Variants in CDH22 observed in about 807,000 individuals in gnomAD.
CDH22 encodes the protein cadherin 22, also known as cadherin-22.
CDH22 carries 30 observed loss-of-function variants against 58.4 expected under a neutral mutation model. The observed-to-expected ratio is 0.51, with a 90% CI of 0.38 to 0.70. The LOEUF (loss-of-function observed/expected upper bound fraction) is 0.70, where lower values mean the gene tolerates loss of function less well. Ranked by LOEUF, CDH22 falls within the 30% of genes least tolerant of loss-of-function variation. The probability of loss-of-function intolerance (pLI) is 0.00; values close to 1 mark genes in which losing one functional copy is unlikely to be tolerated. For missense variants in CDH22, 1,014 were observed against 1,233.9 expected, an observed-to-expected ratio of 0.82 and a Z score of 2.67; for synonymous variants, 513 against 558.2, an observed-to-expected ratio of 0.92 and a Z score of 1.14.
intron 7 of CDH22, among the ~76,000 whole-genome samples, chr20:46,203,260 G>A (rs910596909): frequency 6.6e-6 from 1 of 151,084 alleles, no homozygotes; most frequent in African/African-American, 2.4e-5. Flanking sequence ...GAGTGGGAGG[G>A]AGGGAAGCAG....
At chr20:46,185,111 C>CA (rs992872713) in intron 10 of CDH22, among the ~76,000 whole-genome samples, 1 of 112,866 alleles carries the variant, frequency 8.9e-6, no homozygotes, top group Non-Finnish European at 1.9e-5. Context: ...CAAAAAACAA[C>CA]AAAAAAACCC....
intron 8 of CDH22, among the ~76,000 whole-genome samples, chr20:46,198,240 T>C (rs2145668840): frequency 6.6e-6 from 1 of 151,756 alleles, no homozygotes; most frequent in East Asian, 1.9e-4. Context: ...TCTCAGGCTC[T>C]CTCTCTTTCT....
In CDH22 at chr20:46,251,321, A is replaced by T; in HGVS notation, c.-27T>A. On this transcript the variant is annotated 5_prime_UTR_variant, in exon 2 of 12. Transcript: ENST00000537909. This position sits in a 1 kb window ranked among gnomAD's most constrained non-coding sequence, Gnocchi z 6.7. ...CTTGGCCTGCGCGGGGCTGGGGCCCAGGAGCATGGACGAGAGGCACCAGGG... is the reference window on the plus strand; with the variant it reads ...CTTGGCCTGCGCGGGGCTGGGGCCCTGGAGCATGGACGAGAGGCACCAGGG... 8 of 1,428,144 alleles carry T rather than the reference A, an allele frequency of 5.6e-6. No individual in the cohort carries two copies. Among genetic ancestry groups the T allele is most frequent in the Non-Finnish European group, 6.4e-6 (7 of 1,099,952 alleles). The allele number at this position is 1,428,144 out of a possible 1,614,324, so 88.5% of individuals were successfully genotyped here.
chr20:46,174,649 C>T lies in CDH22; in HGVS notation c.2344G>A (p.Ala782Thr), dbSNP rs774748892. The change falls in exon 12 of 12, where the codon GCC becomes ACC. Residue 782 changes from alanine to threonine, a missense_variant. By Grantham distance (58) the Ala-to-Thr change is moderately conservative (BLOSUM62 0). This residue lies in a region of CDH22 where 208 missense variants were observed against 195.2 expected (regional missense o/e 1.07). Transcript: ENST00000537909. This position sits in a 1 kb window ranked among gnomAD's most constrained non-coding sequence, Gnocchi z 4.4. ...CTGTGCAGGGAGCTGAGCGAGGCGGCCGGCGAGTCCGCGCCCTCGAAGGCG... is the reference window on the plus strand; with the variant it reads ...CTGTGCAGGGAGCTGAGCGAGGCGGTCGGCGAGTCCGCGCCCTCGAAGGCG... ...TYAFEGADSP[A>T]ASLSSLHSGS... 25 of 1,554,652 alleles carry T rather than the reference C, an allele frequency of 1.6e-5. No homozygotes were observed. Among genetic ancestry groups the T allele is most frequent in the Non-Finnish European group, 2.1e-5 (24 of 1,156,608 alleles).
chr20:46,191,163 C>T (rs1282577933), intron 8 of CDH22, among the ~76,000 whole-genome samples: 1 of 152,056 alleles, frequency 6.6e-6, no homozygotes, highest in East Asian at 1.9e-4. Flanking sequence ...AGCAGGGGGT[C>T]TTGCCTGGTG....
intron 3 of CDH22, 112 bp downstream of exon 3, chr20:46,240,851 C>A: frequency 1.0e-6 from 1 of 991,240 alleles, no homozygotes. Context: ...CCTAGGTCAG[C>A]AGGCTCTGTC....
rs891679910 is a variant in CDH22, at chr20:46,241,463, C to T, written c.256-206G>A. The stretch of plus-strand genomic sequence containing the variant: ...CCTCAGCCCGCTGGGGCCCTCCCTG[C>T]CCCTGGACTCTGCTTTCCCCTCTGC... On this transcript the variant is annotated intron_variant, in intron 2 of 11. Transcript: ENST00000537909. The surrounding 1 kb of genome is among the most constrained non-coding windows in gnomAD (Gnocchi z 5.2). Among the ~76,000 whole-genome samples, 4 of 152,210 alleles carry T rather than the reference C, an allele frequency of 2.6e-5. No individual in the cohort carries two copies. Among genetic ancestry groups the T allele is most frequent in the African/African-American group, 4.8e-5 (2 of 41,448 alleles).
At chr20:46,191,590 C>A (rs1053223885) in intron 8 of CDH22, among the ~76,000 whole-genome samples, 1 of 152,162 alleles carries the variant, frequency 6.6e-6, no homozygotes, top group Non-Finnish European at 1.5e-5. Flanking sequence ...TCCTGTCAAC[C>A]ACGGTGGGAG....
At chr20:46,208,196 C>T (rs2086014660) in intron 7 of CDH22, among the ~76,000 whole-genome samples, 1 of 152,180 alleles carries the variant, frequency 6.6e-6, no homozygotes, top group Non-Finnish European at 1.5e-5. Flanking sequence ...ATCCCTCTAA[C>T]ACTGGCCATC....
intron 4 of CDH22, among the ~76,000 whole-genome samples, chr20:46,221,274 T>C (rs868867167): frequency 1.8e-4 from 19 of 103,450 alleles, no homozygotes; most frequent in South Asian, 3.8e-4. Context: ...TTGGGTTTTT[T>C]TTTTTCTTTT....
At chr20:46,176,397 CGA>C (rs2085739643) in intron 11 of CDH22, among the ~76,000 whole-genome samples, 1 of 152,214 alleles carries the variant, frequency 6.6e-6, no homozygotes, top group Non-Finnish European at 1.5e-5. Flanking sequence ...TTCCCCACCC[CGA>C]GTCTCCCCCA....
chr20:46,264,889 GCGCGCACACACAC>G (rs2086451103), intron 1 of CDH22, among the ~76,000 whole-genome samples: 1 of 151,022 alleles, frequency 6.6e-6, no homozygotes. Flanking sequence ...CACACACCGT[GCGCGCACACACAC>G]CGTGCGCACA....
chr20:46,240,942 C>T, intron 3 of CDH22, 21 bp downstream of exon 3: 1 of 1,599,718 alleles, frequency 6.3e-7, no homozygotes, highest in Non-Finnish European at 8.5e-7. Context: ...CCATCCCCCA[C>T]CCCCAGGGCC....
chr20:46,297,337 G>T (rs548259254), intron 1 of CDH22, among the ~76,000 whole-genome samples: 1 of 152,172 alleles, frequency 6.6e-6, no homozygotes, highest in East Asian at 1.9e-4. Flanking sequence ...TCTGGAAGGG[G>T]CAGGCATTCC....
At position 46,174,958 on chromosome 20, in the gene CDH22, C is replaced by T; in HGVS notation, c.2035G>A (p.Asp679Asn). The change falls in exon 12 of 12, where the codon GAC becomes AAC. Residue 679 changes from aspartate to asparagine, a missense_variant. Physicochemically the swap from Asp to Asn is conservative, Grantham distance 23. Around this residue, in one of 2 missense-constraint regions of CDH22, gnomAD observed 806 missense variants for 1,038.7 expected, o/e 0.78. Transcript: ENST00000537909. This position sits in a 1 kb window ranked among gnomAD's most constrained non-coding sequence, Gnocchi z 4.4. ...KYNDEGGGEQ[D>N]TEAYDMSALR... ...GCCGACATGTCGTAGGCTTCGGTGT[C>T]CTGCTCGCCGCCGCCTTCGTCGTTG... 6.3e-7 allele frequency: 1 copy of T among 1,591,930 alleles called. No individual in the cohort carries two copies.
At chr20:46,184,579 C>A (rs1316156661) in intron 10 of CDH22, among the ~76,000 whole-genome samples, 1 of 152,214 alleles carries the variant, frequency 6.6e-6, no homozygotes, top group Non-Finnish European at 1.5e-5. Context: ...TTCTGTCTCA[C>A]CTCACTAGAA....
chr20:46,265,411 A>G (rs2086454798), intron 1 of CDH22, among the ~76,000 whole-genome samples: 1 of 152,202 alleles, frequency 6.6e-6, no homozygotes, highest in South Asian at 2.1e-4. Context: ...AGTTTAACGA[A>G]AAGTCATAAA....
At position 46,240,995 on chromosome 20, in the gene CDH22, T is replaced by C. The variant is rs1436523371; in HGVS notation, c.518A>G (p.Tyr173Cys). ...DSEPRFLHGP[Y>C]IGSVAELSPT... ...TGAGAGCTCGGCCACGCTGCCAATATAGGGGCCGTGCAGGAAGCGGGGCTC... is the reference window on the plus strand; with the variant it reads ...TGAGAGCTCGGCCACGCTGCCAATACAGGGGCCGTGCAGGAAGCGGGGCTC... The change falls in exon 3 of 12, where the codon TAT becomes TGT. Residue 173 changes from tyrosine to cysteine, a missense_variant. Coordinates refer to ENST00000537909, the MANE Select transcript of CDH22 (RefSeq NM_021248.3). The C allele has an allele frequency of 6.2e-7, 1 of 1,613,524 alleles. No homozygotes were observed. The highest frequency in any genetic ancestry group is 8.5e-7 in the Non-Finnish European group (1 of 1,179,804).
chr20:46,234,798 T>C (rs1024993549), intron 3 of CDH22, among the ~76,000 whole-genome samples: 2 of 152,230 alleles, frequency 1.3e-5, no homozygotes, highest in African/African-American at 2.4e-5. Flanking sequence ...TACCAATTGA[T>C]CTGAGTTAGC....
Sources: gnomAD v4.1 joint callset for allele counts (sites outside exome capture counted in the v4.1 genomes callset) on GRCh38, gnomAD v4.1.1 for gene constraint, gnomAD v4.1.1 regional missense constraint, Gnocchi (gnomAD v3.1) non-coding constraint, MANE v1.5 for transcripts, NCBI Gene and HGNC (gene_info 2026-07-23, HGNC 2026-07-21) for gene names.